WDR1: variants seen among roughly 807,000 people sequenced by gnomAD.
WDR1 encodes WD repeat-containing protein 1.
Under a neutral mutation model 71.9 loss-of-function variants are expected in WDR1, and 21 were observed. The ratio of observed to expected loss-of-function variants is 0.29; its 90% CI spans 0.21 to 0.42. The LOEUF (loss-of-function observed/expected upper bound fraction) is 0.42. Among genes scored for constraint, WDR1 ranks in the 10% least tolerant of loss-of-function variants. The pLI is 1.00. For synonymous variants in WDR1, 424 were observed against 347.4 expected (o/e 1.22, Z -2.45); for missense variants, 696 against 824.5 (o/e 0.84, Z 1.91).
chr4:10,105,792 A>T (rs1471908844), intron 2 of WDR1, among the ~76,000 whole-genome samples: 1 of 152,216 alleles, frequency 6.6e-6, no homozygotes, highest in Non-Finnish European at 1.5e-5. Flanking sequence ...GGAGAAATGG[A>T]AGCATGTGTC....
At chr4:10,087,312 C>G (rs984697929) in intron 8 of WDR1, among the ~76,000 whole-genome samples, 1 of 152,296 alleles carries the variant, frequency 6.6e-6, no homozygotes, top group Non-Finnish European at 1.5e-5. Context: ...GCCCCGTCAC[C>G]TGCCCTGGTG....
At position 10,116,246 on chromosome 4, in the gene WDR1, C is replaced by G; in HGVS notation, c.17-12G>C. 1.2e-6 allele frequency: 2 copies of G among 1,613,240 alleles called. No homozygotes were observed. The highest frequency in any genetic ancestry group is 2.2e-5 in the East Asian group (1 of 44,868). On this transcript the variant is annotated splice_polypyrimidine_tract_variant and intron_variant, in intron 1 of 14. Transcript: ENST00000499869. ...GGCGAACACCTTCTCTGCGGAGACA[C>G]AAATGCGGCGGGGCATGTCAGGGCA... is the stretch of plus-strand genomic sequence containing the variant.
At chr4:10,077,069 T>C in intron 14 of WDR1, 2 of 534,110 alleles carry the variant, frequency 3.7e-6, no homozygotes, top group Non-Finnish European at 6.6e-6. Context: ...AAGTGAGGCC[T>C]TCACTCAGCT....
chr4:10,111,109 C>T (rs1713324645), intron 2 of WDR1, among the ~76,000 whole-genome samples: 1 of 147,336 alleles, frequency 6.8e-6, no homozygotes, highest in African/African-American at 2.4e-5. Context: ...AGATACAGAA[C>T]TTCTCCTTAC....
intron 10 of WDR1, among the ~76,000 whole-genome samples, chr4:10,082,184 G>A (rs113530376): frequency 1.4e-4 from 22 of 152,178 alleles, no homozygotes; most frequent in African/African-American, 4.6e-4. Flanking sequence ...CTCATCGGGA[G>A]GCCCAATTTA....
chr4:10,077,879 A>T lies in WDR1; in HGVS notation c.1443T>A (p.Asp481Glu). The T allele has an allele frequency of 1.2e-6, 2 of 1,611,692 alleles. No individual in the cohort carries two copies. Among genetic ancestry groups the T allele is most frequent in the South Asian group, 1.1e-5 (1 of 90,544 alleles). ...CCTTGGCCTCTAGGAGCTTGCCCTC[A>T]TCCTTCAGCGTGGTGCCCAGGATGG... ...LYSILGTTLK[D>E]EGKLLEAKGP... The change falls in exon 13 of 15, where the codon GAT (aspartate) becomes GAA (glutamate). Residue 481 changes from aspartate (D) to glutamate (E), a missense_variant. Asp to Glu is a conservative substitution (Grantham distance 45). Coordinates refer to ENST00000499869, the MANE Select transcript of WDR1 (RefSeq NM_017491.5).
chr4:10,107,546 G>A (rs1397903246), intron 2 of WDR1, among the ~76,000 whole-genome samples: 2 of 152,146 alleles, frequency 1.3e-5, no homozygotes, highest in Non-Finnish European at 2.9e-5. Context: ...TCCTTGGGCT[G>A]ACTACCCCAA....
chr4:10,105,929 A>G (rs1712985045), intron 2 of WDR1, among the ~76,000 whole-genome samples: 1 of 152,264 alleles, frequency 6.6e-6, no homozygotes, highest in Non-Finnish European at 1.5e-5. Flanking sequence ...TTAGTGATAG[A>G]AAGGAACAAA....
At chr4:10,088,521 C>G in intron 6 of WDR1, 143 bp downstream of exon 6, 1 of 1,120,154 alleles carries the variant, frequency 8.9e-7, no homozygotes, top group East Asian at 2.6e-5. Context: ...TTACTGGGCT[C>G]TGACGACGAG....
At chr4:10,080,753 G>A (rs1578416796) in intron 11 of WDR1, among the ~76,000 whole-genome samples, 1 of 152,266 alleles carries the variant, frequency 6.6e-6, no homozygotes, top group South Asian at 2.1e-4. Context: ...TTCCAAAGGT[G>A]TGCAGGTGGC....
At chr4:10,100,552 A>G (rs1712624683) in intron 3 of WDR1, among the ~76,000 whole-genome samples, 1 of 152,204 alleles carries the variant, frequency 6.6e-6, no homozygotes, top group Non-Finnish European at 1.5e-5. Flanking sequence ...GATGAGGGAG[A>G]TGCACGTAAG....
intron 12 of WDR1, among the ~76,000 whole-genome samples, chr4:10,078,403 A>G (rs1276841853): frequency 6.6e-6 from 1 of 152,220 alleles, no homozygotes; most frequent in Non-Finnish European, 1.5e-5. Context: ...GGGCATGAGA[A>G]TTATGCCGAG....
chr4:10,104,073 G>C (rs1295843632), intron 2 of WDR1, 87 bp from the exon 3 acceptor site: 1 of 1,363,860 alleles, frequency 7.3e-7, no homozygotes, highest in Non-Finnish European at 1.0e-6. Context: ...TGGGGTGAAA[G>C]GGGTGTACAA....
intron 5 of WDR1, chr4:10,092,497 T>TAA: frequency 6.5e-6 from 1 of 154,076 alleles, no homozygotes; most frequent in Admixed American, 6.4e-5. Context: ...TCCCACAGGC[T>TAA]CTGGCAGGGT....
Position 10,074,834 on chromosome 4 carries a change from C to A in WDR1, c.*544G>T. On this transcript the variant is annotated 3_prime_UTR_variant, in exon 15 of 15. Coordinates refer to ENST00000499869, the MANE Select transcript of WDR1 (RefSeq NM_017491.5). ...AAACATATCCAGGGGTTGTGTGTCC[C>A]CATCTGATCTGGAGGTGGCGCTCTG... 1 of 154,450 alleles carries A rather than the reference C, an allele frequency of 6.5e-6. No individual in the cohort carries two copies. The allele number at this position is 154,450 out of a possible 1,614,324, so 9.6% of individuals were successfully genotyped here. A position where few individuals can be genotyped will look rare whatever the true frequency, so the allele number is the denominator to read the frequency against.
In WDR1 at chr4:10,116,634, C is replaced by A. The variant is rs1378215615; in HGVS notation, c.16+17G>T. 1.2e-5 allele frequency: 15 copies of A among 1,247,300 alleles called. No individual in the cohort carries two copies. The highest frequency in any genetic ancestry group is 2.9e-4 in the Middle Eastern group (1 of 3,470). The allele number at this position is 1,247,300 out of a possible 1,614,324, so 77.3% of individuals were successfully genotyped here. On this transcript the variant is annotated intron_variant, in intron 1 of 14. Transcript: ENST00000499869. Reference sequence around the variant, plus strand: ...CAGCGCGGCGGCCGCTCGGGGGCCCCGCGCCGCGGCACTTACTGATCTCGT... The same window carrying A: ...CAGCGCGGCGGCCGCTCGGGGGCCCAGCGCCGCGGCACTTACTGATCTCGT...
At chr4:10,093,654 C>G (rs1316876916) in intron 5 of WDR1, among the ~76,000 whole-genome samples, 1 of 152,222 alleles carries the variant, frequency 6.6e-6, no homozygotes, top group East Asian at 1.9e-4. Context: ...CACCTACTGG[C>G]CATGTGACCT....
intron 9 of WDR1, chr4:10,083,621 C>G (rs551890632): frequency 4.3e-5 from 21 of 485,328 alleles, no homozygotes; most frequent in Non-Finnish European, 8.2e-5. Flanking sequence ...CCAGAGCTGT[C>G]CACACAAAAG....
chr4:10,093,191 C>T (rs1490426948), intron 5 of WDR1: 1 of 1,275,032 alleles, frequency 7.8e-7, no homozygotes. Flanking sequence ...CTCAGGAACC[C>T]TCTGGGAGCC....
Sources: gnomAD v4.1 joint callset for allele counts (sites outside exome capture counted in the v4.1 genomes callset) on GRCh38, gnomAD v4.1.1 for gene constraint, MANE v1.5 for transcripts, NCBI Gene and HGNC (gene_info 2026-07-23, HGNC 2026-07-21) for gene names.